CDYL2: variants seen among roughly 807,000 people sequenced by gnomAD.
CDYL2 encodes chromodomain Y like 2, also known as chromodomain Y-like protein 2.
Under a neutral mutation model 49.4 loss-of-function variants are expected in CDYL2, and 23 were observed. The observed-to-expected ratio is 0.47, with a 90% confidence interval of 0.34 to 0.66. The LOEUF (loss-of-function observed/expected upper bound fraction) is 0.66. CDYL2 is among the 30% of genes least tolerant of loss of function. CDYL2 has a pLI of 0.01. For synonymous variants in CDYL2, 360 were observed against 268.8 expected (o/e 1.34, Z -3.32); for missense variants, 678 against 656.4 (o/e 1.03, Z -0.36).
intron 1 of CDYL2, among the ~76,000 whole-genome samples, chr16:80,703,077 T>G (rs1904311802): frequency 6.6e-6 from 1 of 152,084 alleles, no homozygotes; most frequent in South Asian, 2.1e-4. Context: ...GAAATGTTAA[T>G]AAAAATAGGA....
intron 2 of CDYL2, among the ~76,000 whole-genome samples, chr16:80,677,888 G>C (rs1399525420): frequency 2.6e-5 from 4 of 151,920 alleles, no homozygotes; most frequent in African/African-American, 9.6e-5. Flanking sequence ...AACCAAAACA[G>C]CATGGTACTG....
chr16:80,776,335 T>C (rs1216262469), intron 1 of CDYL2, among the ~76,000 whole-genome samples: 1 of 152,078 alleles, frequency 6.6e-6, no homozygotes, highest in East Asian at 1.9e-4. Flanking sequence ...GAATCTGTTA[T>C]AATCTAGAAA....
chr16:80,753,478 C>A (rs551959486), intron 1 of CDYL2, among the ~76,000 whole-genome samples: 6 of 152,116 alleles, frequency 3.9e-5, no homozygotes, highest in African/African-American at 1.4e-4. Flanking sequence ...CGTGGTGGCG[C>A]ATGCCTGTAA....
intron 1 of CDYL2, among the ~76,000 whole-genome samples, chr16:80,779,327 G>A (rs1012227180): frequency 1.3e-5 from 2 of 150,782 alleles, no homozygotes; most frequent in African/African-American, 4.9e-5. Flanking sequence ...AATAAGAAAT[G>A]AAAAACACCT....
intron 2 of CDYL2, among the ~76,000 whole-genome samples, chr16:80,657,052 G>A (rs1010964778): frequency 2.0e-5 from 3 of 152,116 alleles, no homozygotes; most frequent in Admixed American, 1.3e-4. Flanking sequence ...AACGAGAAAC[G>A]AAAACAAAAC....
chr16:80,799,240 A>C (rs1478013715), intron 1 of CDYL2, among the ~76,000 whole-genome samples: 1 of 152,170 alleles, frequency 6.6e-6, no homozygotes, highest in Admixed American at 6.5e-5. Context: ...ATATAACAAT[A>C]GTTCTCTTAG....
intron 2 of CDYL2, among the ~76,000 whole-genome samples, chr16:80,668,377 T>G (rs963787751): frequency 2.6e-5 from 4 of 152,140 alleles, no homozygotes; most frequent in Admixed American, 2.6e-4. Context: ...TATCTATACC[T>G]ACATACATGG....
chr16:80,689,066 A>C lies in CDYL2; in HGVS notation c.25-3937T>G, dbSNP rs577145994. Among the ~76,000 whole-genome samples the C allele has an allele frequency of 3.0e-4, 45 of 151,820 alleles. No individual in the cohort carries two copies. In the South Asian group the frequency reaches 9.3e-3, roughly 32 times the overall value. The stretch of plus-strand genomic sequence containing the variant: ...AATTAATTCTCTTCCCTTTATTTGC[A>C]CATATGAATGAATGAATGAATGAAT... On this transcript the variant is annotated intron_variant, in intron 1 of 6. Coordinates refer to ENST00000570137, the MANE Select transcript of CDYL2 (RefSeq NM_152342.4).
Position 80,755,527 on chromosome 16 carries a change from T to C in CDYL2, c.24+48623A>G, listed in dbSNP as rs139088946. ...GGCCAATAAAGAATCTGGCCAAATCTATCAAAAGCCTAGAAAACATCCTTA... is the reference window on the plus strand; with the variant it reads ...GGCCAATAAAGAATCTGGCCAAATCCATCAAAAGCCTAGAAAACATCCTTA... On this transcript the variant is annotated intron_variant, in intron 1 of 6. Transcript: ENST00000570137. Among the ~76,000 whole-genome samples the C allele has an allele frequency of 1.6e-3, 239 of 152,306 alleles. 1 individual carries two copies. The highest frequency in any genetic ancestry group is 5.6e-3 in the African/African-American group (232 of 41,560).
intron 1 of CDYL2, among the ~76,000 whole-genome samples, chr16:80,727,606 G>T (rs1426433173): frequency 6.6e-6 from 1 of 152,228 alleles, no homozygotes; most frequent in African/African-American, 2.4e-5. Flanking sequence ...ACAGCTCAAG[G>T]AGGCCTGCCT....
At chr16:80,731,715 A>G (rs12597342) in intron 1 of CDYL2, among the ~76,000 whole-genome samples, 63,871 of 152,034 alleles carry the variant, frequency 0.42, 16,189 homozygotes, top group Middle Eastern at 0.6. Flanking sequence ...TTCTCAACCT[A>G]GAATTCTATA....
intron 1 of CDYL2, among the ~76,000 whole-genome samples, chr16:80,722,867 G>C (rs962945414): frequency 6.6e-6 from 1 of 152,194 alleles, no homozygotes; most frequent in African/African-American, 2.4e-5. Flanking sequence ...AACATACAAA[G>C]GGTTGAGTTC....
chr16:80,667,959 C>T (rs950744336), intron 2 of CDYL2, among the ~76,000 whole-genome samples: 6 of 152,194 alleles, frequency 3.9e-5, no homozygotes, highest in Non-Finnish European at 4.4e-5. Context: ...GGATGGCACC[C>T]GGGCAATGCC....
At chr16:80,754,698 C>T (rs770446003) in intron 1 of CDYL2, among the ~76,000 whole-genome samples, 1 of 152,100 alleles carries the variant, frequency 6.6e-6, no homozygotes, top group Non-Finnish European at 1.5e-5. Context: ...GGGAGGATTC[C>T]GTGAGGGAAT....
chr16:80,686,621 C>T (rs1053411130), intron 1 of CDYL2, among the ~76,000 whole-genome samples: 5 of 152,088 alleles, frequency 3.3e-5, no homozygotes, highest in African/African-American at 4.8e-5. Flanking sequence ...TTTATGTTTA[C>T]GTGTTTGAAT....
intron 2 of CDYL2, among the ~76,000 whole-genome samples, chr16:80,683,345 T>A (rs1313172552): frequency 1.3e-5 from 2 of 152,116 alleles, no homozygotes; most frequent in African/African-American, 2.4e-5. Context: ...GGACTGCACA[T>A]AACTGGCACA....
chr16:80,630,400 G>A (rs1907507695), intron 3 of CDYL2, among the ~76,000 whole-genome samples: 1 of 152,204 alleles, frequency 6.6e-6, no homozygotes, highest in Non-Finnish European at 1.5e-5. Flanking sequence ...GACTTCACAT[G>A]TGTTCAATTT....
chr16:80,766,453 T>C (rs1906729273), intron 1 of CDYL2, among the ~76,000 whole-genome samples: 2 of 152,196 alleles, frequency 1.3e-5, no homozygotes, highest in Non-Finnish European at 2.9e-5. Flanking sequence ...TGTTGACCAA[T>C]ATTCAATGAA....
intron 1 of CDYL2, among the ~76,000 whole-genome samples, chr16:80,721,078 G>C (rs1597098290): frequency 6.6e-6 from 1 of 152,220 alleles, no homozygotes; most frequent in East Asian, 1.9e-4. Context: ...CTCCTCCCCA[G>C]CAGTTAGGGG....
Sources: gnomAD v4.1 joint callset for allele counts (sites outside exome capture counted in the v4.1 genomes callset) on GRCh38, gnomAD v4.1.1 for gene constraint, MANE v1.5 for transcripts, NCBI Gene and HGNC (gene_info 2026-07-23, HGNC 2026-07-21) for gene names.